Variants in DACH2 observed in about 807,000 individuals in gnomAD.
The protein encoded by DACH2 is dachshund family transcription factor 2, also known as dachshund homolog 2.
In DACH2, 17 loss-of-function variants were observed where a neutral mutation model predicts 35.8. The observed-to-expected ratio is 0.48, with a 90% CI of 0.33 to 0.71. The LOEUF is 0.71. Ranked by LOEUF, DACH2 falls within the 30% of genes least tolerant of loss-of-function variation. DACH2 has a pLI of 0.02. For synonymous variants in DACH2, 195 were observed against 177.3 expected (o/e 1.10, Z -0.79); for missense variants, 469 against 472.7 (o/e 0.99, Z 0.07).
intron 1 of DACH2, among the ~76,000 whole-genome samples, chrX:86,193,544 A>G (rs1446175315): frequency 8.9e-6 from 1 of 112,060 alleles, no homozygotes; most frequent in Non-Finnish European, 1.9e-5. Context: ...ATGAGATAGC[A>G]TCTAGTTTTT....
chrX:86,401,220 C>A (rs147379687), intron 2 of DACH2, among the ~76,000 whole-genome samples: 3 of 112,134 alleles, frequency 2.7e-5, no homozygotes, highest in Non-Finnish European at 3.8e-5. Flanking sequence ...TTGTTAAGCC[C>A]GTTGGAAAAG....
intron 1 of DACH2, among the ~76,000 whole-genome samples, chrX:86,182,712 A>G (rs1414787447): frequency 8.9e-6 from 1 of 111,879 alleles, no homozygotes; most frequent in Non-Finnish European, 1.9e-5. Context: ...AATTCTGTGA[A>G]GAAAGTCATT....
intron 3 of DACH2, among the ~76,000 whole-genome samples, chrX:86,603,695 A>G (rs2039820773): frequency 9.0e-6 from 1 of 110,924 alleles, no homozygotes; most frequent in African/African-American, 3.3e-5. Flanking sequence ...AATTCTCTTC[A>G]TCTCTGTAGC....
chrX:86,380,244 A>G (rs1356284628), intron 2 of DACH2, among the ~76,000 whole-genome samples: 1 of 110,371 alleles, frequency 9.1e-6, no homozygotes, highest in Non-Finnish European at 1.9e-5. Context: ...ACAGTTGGTG[A>G]TACTGAGTCA....
intron 1 of DACH2, among the ~76,000 whole-genome samples, chrX:86,303,004 A>G (rs1341261011): frequency 9.4e-6 from 1 of 106,481 alleles, no homozygotes; most frequent in Non-Finnish European, 1.9e-5. Context: ...TATTATCTTC[A>G]TATTGCAGAT....
At chrX:86,403,213 A>C (rs1309883397) in intron 2 of DACH2, among the ~76,000 whole-genome samples, 1 of 112,427 alleles carries the variant, frequency 8.9e-6, no homozygotes, top group Non-Finnish European at 1.9e-5. Context: ...GAGCTTCTGC[A>C]CAGCAAAAGA....
intron 1 of DACH2, among the ~76,000 whole-genome samples, chrX:86,244,719 G>T (rs1209724703): frequency 2.7e-5 from 3 of 111,982 alleles, no homozygotes; most frequent in African/African-American, 6.5e-5. Flanking sequence ...AAAATGAAGA[G>T]AAATATTCAC....
chrX:86,188,685 C>G (rs1289171316), intron 1 of DACH2, among the ~76,000 whole-genome samples: 2 of 111,601 alleles, frequency 1.8e-5, no homozygotes, highest in East Asian at 2.8e-4. Flanking sequence ...ACAATGGAAG[C>G]AAGAGGTTGG....
chrX:86,188,621 A>G (rs1056221542), intron 1 of DACH2, among the ~76,000 whole-genome samples: 1 of 112,032 alleles, frequency 8.9e-6, no homozygotes, highest in African/African-American at 3.2e-5. Context: ...ATATGATCAA[A>G]AGGGGCCTTT....
At chrX:86,640,662 G>C (rs2040334771) in intron 3 of DACH2, among the ~76,000 whole-genome samples, 1 of 110,906 alleles carries the variant, frequency 9.0e-6, no homozygotes, top group South Asian at 3.9e-4. Context: ...GCCAAGTCAT[G>C]AACTACAGCA....
At chrX:86,240,142 C>T (rs1051613965) in intron 1 of DACH2, among the ~76,000 whole-genome samples, 5 of 111,591 alleles carry the variant, frequency 4.5e-5, no homozygotes, top group Admixed American at 3.8e-4. Flanking sequence ...TCTACTTAAA[C>T]TGTCATTTGA....
At chrX:86,295,579 G>A (rs1205310359) in intron 1 of DACH2, among the ~76,000 whole-genome samples, 1 of 111,297 alleles carries the variant, frequency 9.0e-6, no homozygotes, top group South Asian at 3.8e-4. Context: ...GAGGCTTGTG[G>A]GAACTCAAGT....
chrX:86,440,387 T>G (rs1044145081), intron 2 of DACH2, among the ~76,000 whole-genome samples: 1 of 111,758 alleles, frequency 8.9e-6, no homozygotes, highest in African/African-American at 3.2e-5. Flanking sequence ...CTGATAAATT[T>G]CCTTACACTG....
chrX:86,549,967 G>A (rs749142692), intron 3 of DACH2, among the ~76,000 whole-genome samples: 2 of 111,309 alleles, frequency 1.8e-5, no homozygotes, highest in South Asian at 7.4e-4. Context: ...TTTCTTTGAA[G>A]ACTGTTATTT....
intron 1 of DACH2, among the ~76,000 whole-genome samples, chrX:86,342,800 T>C (rs2035433616): frequency 9.2e-6 from 1 of 108,646 alleles, no homozygotes; most frequent in African/African-American, 3.4e-5. Flanking sequence ...TCTCAAGAAA[T>C]ATAAATAAAT....
At chrX:86,295,901 AC>A (rs1279939542) in intron 1 of DACH2, among the ~76,000 whole-genome samples, 1 of 109,296 alleles carries the variant, frequency 9.1e-6, no homozygotes, top group Non-Finnish European at 1.9e-5. Context: ...ATGAGTGCTC[AC>A]CTTATTTTTG....
chrX:86,293,774 A>G (rs1244150075), intron 1 of DACH2, among the ~76,000 whole-genome samples: 1 of 111,309 alleles, frequency 9.0e-6, no homozygotes, highest in Non-Finnish European at 1.9e-5. Flanking sequence ...TGGCTTGTAG[A>G]GTTTCTGCCG....
intron 1 of DACH2, among the ~76,000 whole-genome samples, chrX:86,222,454 G>A (rs1602299407): frequency 8.9e-6 from 1 of 111,861 alleles, no homozygotes; most frequent in Non-Finnish European, 1.9e-5. Context: ...AAGAATACAA[G>A]GCAGGGCTCA....
chrX:86,160,800 A>G, intron 1 of DACH2: 1 of 476,709 alleles, frequency 2.1e-6, no homozygotes. Context: ...TTCAGTTGTA[A>G]CATCGACTGC....
Sources: gnomAD v4.1 joint callset for allele counts (sites outside exome capture counted in the v4.1 genomes callset) on GRCh38, gnomAD v4.1.1 for gene constraint, MANE v1.5 for transcripts, NCBI Gene and HGNC (gene_info 2026-07-23, HGNC 2026-07-21) for gene names.